Variants in KCNK10 observed in about 807,000 individuals in gnomAD.
KCNK10 encodes potassium channel subfamily K member 10.
A neutral mutation model predicts 47.7 loss-of-function variants in KCNK10; 25 were observed. The observed-to-expected ratio is 0.52, with a 90% CI of 0.38 to 0.73. The LOEUF (loss-of-function observed/expected upper bound fraction) is 0.73, where lower values mean the gene tolerates loss of function less well. Among genes scored for constraint, KCNK10 ranks in the 30% least tolerant of loss-of-function variants. The probability of loss-of-function intolerance (pLI) is 0.00; values close to 1 mark genes in which losing one functional copy is unlikely to be tolerated. For synonymous variants in KCNK10, 303 were observed against 285.6 expected, an observed-to-expected ratio of 1.06 and a Z score of -0.61; for missense variants, 563 against 714.5, an observed-to-expected ratio of 0.79 and a Z score of 2.42.
chr14:88,255,246 A>G (rs1336085642), intron 2 of KCNK10, among the ~76,000 whole-genome samples: 1 of 152,194 alleles, frequency 6.6e-6, no homozygotes, highest in Non-Finnish European at 1.5e-5. Flanking sequence ...GATGCAAGTA[A>G]GCAGTATGGC....
chr14:88,261,432 C>A (rs1172955787), intron 2 of KCNK10, among the ~76,000 whole-genome samples: 1 of 152,200 alleles, frequency 6.6e-6, no homozygotes, highest in Non-Finnish European at 1.5e-5. Context: ...AATCTCATCA[C>A]CACAAATGTG....
At position 88,227,550 on chromosome 14, in the gene KCNK10, G is replaced by A; in HGVS notation, c.521-15C>T. 6.4e-7 allele frequency: 1 copy of A among 1,572,014 alleles called. No individual in the cohort carries two copies. The highest frequency in any genetic ancestry group is 8.6e-7 in the Non-Finnish European group (1 of 1,164,830). The stretch of plus-strand genomic sequence containing the variant: ...ATTCCCATACCCTGGTGAGAAATAT[G>A]AAAAAGAGGGAGAGTGGCAGAGAAA... On this transcript the variant is annotated splice_polypyrimidine_tract_variant and intron_variant, in intron 3 of 6. Transcript: ENST00000319231.
At position 88,181,151 on chromosome 14, in the gene KCNK10, A is replaced by T. The variant is rs1394702945; in HGVS notation, c.*4384T>A. 1.3e-5 allele frequency: 3 copies of T among 239,846 alleles called. No individual in the cohort carries two copies. Among genetic ancestry groups the T allele is most frequent in the Non-Finnish European group, 2.4e-5 (3 of 125,768 alleles). The allele number at this position is 239,846 out of a possible 1,614,324, so 14.9% of individuals were successfully genotyped here. On this transcript the variant is annotated 3_prime_UTR_variant, in exon 7 of 7. Coordinates refer to ENST00000319231, the MANE Select transcript of KCNK10 (RefSeq NM_138317.3). ...TCCCGTGGTTCAGAAACCCTGGTAC[A>T]CACTGGATGCTTCATATTCTCACCA...
Position 88,186,085 on chromosome 14 carries a change from C to T in KCNK10, c.1082G>A (p.Arg361Gln), listed in dbSNP as rs1884550637. ...ATCGTGGATCTCCACGCTGAGCCTT[C>T]GCCGTGTCTCCCGGAACTCAGCCGT... The part of the protein sequence containing the change: ...NVTAEFRETR[R>Q]RLSVEIHDKL... The change falls in exon 7 of 7, where the codon CGA becomes CAA. Residue 361 changes from arginine to glutamine, a missense_variant. Coordinates refer to ENST00000319231, the MANE Select transcript of KCNK10 (RefSeq NM_138317.3). This position sits in a 1 kb window ranked among gnomAD's most constrained non-coding sequence, Gnocchi z 5.5. 18 of 1,611,516 alleles carry T rather than the reference C, an allele frequency of 1.1e-5. No homozygotes were observed. Among genetic ancestry groups the T allele is most frequent in the Non-Finnish European group, 1.4e-5 (17 of 1,179,630 alleles).
intron 2 of KCNK10, among the ~76,000 whole-genome samples, chr14:88,250,251 A>G (rs1886756874): frequency 1.3e-5 from 2 of 152,206 alleles, no homozygotes; most frequent in Admixed American, 6.5e-5. Flanking sequence ...CAATAACCCC[A>G]GGGATAGAAA....
At chr14:88,204,145 A>AG (rs1885189870) in intron 4 of KCNK10, among the ~76,000 whole-genome samples, 2 of 152,138 alleles carry the variant, frequency 1.3e-5, no homozygotes, top group African/African-American at 2.4e-5. Flanking sequence ...AAAAAGGAAA[A>AG]GGGGGAGAGG....
At chr14:88,220,532 G>A (rs567756680) in intron 4 of KCNK10, among the ~76,000 whole-genome samples, 2 of 141,286 alleles carry the variant, frequency 1.4e-5, no homozygotes, top group South Asian at 4.6e-4. Flanking sequence ...AACTAGAATA[G>A]AGAGCCCAAA....
At position 88,184,583 on chromosome 14, in the gene KCNK10, A is replaced by G. The variant is rs964879370; in HGVS notation, c.*952T>C. 6.6e-6 allele frequency: 1 copy of G among 152,348 alleles called. No individual in the cohort carries two copies. Among genetic ancestry groups the G allele is most frequent in the Non-Finnish European group, 1.5e-5 (1 of 68,044 alleles). 9.4% of individuals were successfully genotyped at this position (152,348 alleles called of 1,614,324 possible). On this transcript the variant is annotated 3_prime_UTR_variant, in exon 7 of 7. Coordinates refer to ENST00000319231, the MANE Select transcript of KCNK10 (RefSeq NM_138317.3). ...AGAAATGCAGGATGTCTACTTTTGT[A>G]AAAATGTAGGATCAGCTAGACAGAA... is the stretch of plus-strand genomic sequence containing the variant.
chr14:88,221,376 T>C (rs10133088), intron 4 of KCNK10, among the ~76,000 whole-genome samples: 1,904 of 151,308 alleles, frequency 0.013, 46 homozygotes, highest in African/African-American at 0.044. Context: ...AACAAATAGC[T>C]CAATTAAAAA....
At chr14:88,210,550 A>T (rs1275686818) in intron 4 of KCNK10, among the ~76,000 whole-genome samples, 1 of 152,228 alleles carries the variant, frequency 6.6e-6, no homozygotes, top group Non-Finnish European at 1.5e-5. Flanking sequence ...CCGTATGCAG[A>T]GGCCCTAGTC....
At chr14:88,247,719 T>C (rs1886684518) in intron 2 of KCNK10, among the ~76,000 whole-genome samples, 1 of 152,210 alleles carries the variant, frequency 6.6e-6, no homozygotes, top group East Asian at 1.9e-4. Context: ...CTAGCTTTCC[T>C]TGCTACTACA....
chr14:88,205,145 T>C (rs1205433177), intron 4 of KCNK10, among the ~76,000 whole-genome samples: 1 of 152,262 alleles, frequency 6.6e-6, no homozygotes, highest in African/African-American at 2.4e-5. Context: ...ATACTGCATG[T>C]AGCCTTTTCA....
chr14:88,228,177 G>C (rs897000496), intron 3 of KCNK10, among the ~76,000 whole-genome samples: 1 of 152,132 alleles, frequency 6.6e-6, no homozygotes. Context: ...CATCATCTCT[G>C]AGTCCTACCT....
At chr14:88,326,314 G>T, upstream of KCNK10, 1 of 913,734 alleles carries the variant, frequency 1.1e-6, no homozygotes, top group Non-Finnish European at 1.8e-6. Flanking sequence ...TGGGGATGGA[G>T]GGAGACCTCC....
chr14:88,200,390 GAAC>G (rs1168790661), intron 4 of KCNK10, among the ~76,000 whole-genome samples: 10 of 152,146 alleles, frequency 6.6e-5, no homozygotes, highest in African/African-American at 2.4e-4. Context: ...AGAAGAGATA[GAAC>G]AATAGTTTGA....
rs1388237270 is a variant in KCNK10 at position 88,322,227 on chromosome 14, C to T, written c.52+520G>A. ...GAAGACTCAGGAGGCCCTGTGGGCT[C>T]CATTATTCTGCATGCCCTGCGAGAA... On this transcript the variant is annotated intron_variant, in intron 1 of 6. Transcript: ENST00000319231. The surrounding 1 kb of genome is among the most constrained non-coding windows in gnomAD (Gnocchi z 4.8). 6.6e-6 allele frequency among the ~76,000 whole-genome samples: 1 copy of T among 152,112 alleles called. No individual in the cohort carries two copies. The highest frequency in any genetic ancestry group is 2.4e-5 in the African/African-American group (1 of 41,414).
At chr14:88,224,940 C>T (rs1885936451) in intron 4 of KCNK10, among the ~76,000 whole-genome samples, 1 of 152,140 alleles carries the variant, frequency 6.6e-6, no homozygotes, top group African/African-American at 2.4e-5. Context: ...ATTTTTACTC[C>T]ACCGTAAATC....
intron 1 of KCNK10, among the ~76,000 whole-genome samples, chr14:88,298,869 A>G (rs1888039750): frequency 6.6e-6 from 1 of 152,062 alleles, no homozygotes; most frequent in Admixed American, 6.6e-5. Context: ...CATCACCACC[A>G]AACAACGGAG....
chr14:88,219,615 T>C (rs574415982), intron 4 of KCNK10, among the ~76,000 whole-genome samples: 7 of 152,344 alleles, frequency 4.6e-5, no homozygotes, highest in Admixed American at 1.3e-4. Flanking sequence ...TTGACATCTA[T>C]GTGAGACGTT....
Sources: gnomAD v4.1 joint callset for allele counts (sites outside exome capture counted in the v4.1 genomes callset) on GRCh38, gnomAD v4.1.1 for gene constraint, Gnocchi (gnomAD v3.1) non-coding constraint, MANE v1.5 for transcripts, NCBI Gene and HGNC (gene_info 2026-07-23, HGNC 2026-07-21) for gene names.